The following TTC27 variants were observed in gnomAD, a reference collection of about 807,000 sequenced individuals.
The protein encoded by TTC27 is tetratricopeptide repeat protein 27.
Under a neutral mutation model 115.9 loss-of-function variants are expected in TTC27, and 79 were observed. The ratio of observed to expected loss-of-function variants is 0.68; its 90% CI spans 0.57 to 0.82. TTC27 has a LOEUF of 0.82. TTC27 is among the 40% of genes least tolerant of loss of function. TTC27 has a pLI of 0.00. For synonymous variants in TTC27, 401 were observed against 356.0 expected (o/e 1.13, Z -1.42); for missense variants, 1,054 against 993.1 (o/e 1.06, Z -0.82).
chr2:32,638,212 GT>G (rs1028627513), intron 3 of TTC27, among the ~76,000 whole-genome samples: 7 of 149,934 alleles, frequency 4.7e-5, no homozygotes, highest in African/African-American at 7.3e-5. Flanking sequence ...AATTATTGAA[GT>G]TTTTTTTTTA....
At chr2:32,656,403 G>A (rs141492213) in intron 5 of TTC27, among the ~76,000 whole-genome samples, 177 of 152,280 alleles carry the variant, frequency 1.2e-3, no homozygotes, top group African/African-American at 3.8e-3. Flanking sequence ...AATTTTTTAG[G>A]TAGAGAACTT....
At chr2:32,817,183 G>C (rs1671526975) in intron 18 of TTC27, among the ~76,000 whole-genome samples, 1 of 151,590 alleles carries the variant, frequency 6.6e-6, no homozygotes, top group Non-Finnish European at 1.5e-5. Flanking sequence ...ACTAGCTTGA[G>C]GCCAGTAGTT....
intron 10 of TTC27, among the ~76,000 whole-genome samples, chr2:32,725,806 C>T (rs1166261563): frequency 6.6e-6 from 1 of 152,240 alleles, no homozygotes; most frequent in Non-Finnish European, 1.5e-5. Flanking sequence ...TTCTTCATGA[C>T]AGCCTGCCCC....
chr2:32,675,713 C>T (rs1389907236), intron 8 of TTC27, among the ~76,000 whole-genome samples: 1 of 152,048 alleles, frequency 6.6e-6, no homozygotes. Flanking sequence ...GTCGCTAACC[C>T]CCATGAAGAG....
At chr2:32,776,916 T>C (rs1483155376) in intron 13 of TTC27, among the ~76,000 whole-genome samples, 1 of 152,188 alleles carries the variant, frequency 6.6e-6, no homozygotes, top group Non-Finnish European at 1.5e-5. Flanking sequence ...AGCCGAATTT[T>C]TGTTAGTTTT....
intron 12 of TTC27, among the ~76,000 whole-genome samples, chr2:32,750,806 A>AT (rs1448001083): frequency 6.6e-6 from 1 of 152,226 alleles, no homozygotes. Context: ...ATTTTTGTAA[A>AT]TTCAACATTT....
At position 32,708,678 on chromosome 2, in the gene TTC27, T is replaced by TTTGTTGTTG. The variant is rs4019331; in HGVS notation, c.1233+5772_1233+5780dup. ...ATTAAGCTTGTCCAACCCACCTTAC[T>TTTGTTGTTG]TTGTTGTTGTTGTTGTTGTTGTGTT... On this transcript the variant is annotated intron_variant, in intron 10 of 19. Coordinates refer to ENST00000317907, the MANE Select transcript of TTC27 (RefSeq NM_017735.5). 6.2e-3 allele frequency among the ~76,000 whole-genome samples: 934 copies of TTTGTTGTTG among 150,706 alleles called. 9 individuals carry two copies. The highest frequency in any genetic ancestry group is 0.016 in the African/African-American group (650 of 40,880).
At chr2:32,657,350 TTTC>T (rs1665364598) in intron 5 of TTC27, among the ~76,000 whole-genome samples, 1 of 146,490 alleles carries the variant, frequency 6.8e-6, no homozygotes, top group African/African-American at 2.6e-5. Context: ...AAACACTGTC[TTTC>T]TTTTTTTTTT....
At position 32,630,695 on chromosome 2, in the gene TTC27, G is replaced by A. The variant is rs766039817; in HGVS notation, c.261G>A (p.Thr87=). 16 of 1,598,588 alleles carry A rather than the reference G, an allele frequency of 1.0e-5. 1 individual carries two copies. Among genetic ancestry groups the A allele is most frequent in the Middle Eastern group, 1.7e-4 (1 of 5,916 alleles). ...FLDYSTDLDT[T]ERQQLIFLLG... ...ATTACTCAACAGATTTGGACACAAC[G>A]GAAAGGTAGAATTTTATTTGAAATT... is the stretch of plus-strand genomic sequence containing the variant. Residue 87 remains threonine (T), a synonymous_variant, in exon 2 of 20, where the codon ACG becomes ACA. Transcript: ENST00000317907.
intron 13 of TTC27, among the ~76,000 whole-genome samples, chr2:32,771,259 G>A (rs1271416768): frequency 6.6e-6 from 1 of 152,120 alleles, no homozygotes; most frequent in African/African-American, 2.4e-5. Context: ...ATATTTCCTG[G>A]CCCATAGTAA....
chr2:32,747,852 A>G (rs377443052), intron 12 of TTC27, among the ~76,000 whole-genome samples: 52 of 152,072 alleles, frequency 3.4e-4, no homozygotes, highest in Non-Finnish European at 6.5e-4. Flanking sequence ...TATTTCTGTA[A>G]GATTGGTAGT....
At chr2:32,725,829 C>A (rs1247562416) in intron 10 of TTC27, among the ~76,000 whole-genome samples, 1 of 152,258 alleles carries the variant, frequency 6.6e-6, no homozygotes, top group African/African-American at 2.4e-5. Flanking sequence ...CAGCAAACTT[C>A]TGCCTGGACA....
At chr2:32,674,182 G>T (rs1182012986) in intron 8 of TTC27, among the ~76,000 whole-genome samples, 2 of 148,068 alleles carry the variant, frequency 1.4e-5, no homozygotes, top group East Asian at 4.0e-4. Flanking sequence ...ACAGAGTCTT[G>T]CACTGTCGCC....
intron 3 of TTC27, among the ~76,000 whole-genome samples, chr2:32,635,534 A>G (rs141243856): frequency 3.4e-4 from 52 of 152,200 alleles, no homozygotes; most frequent in Non-Finnish European, 6.5e-4. Context: ...AAATACAAAA[A>G]TTAGCCGGGT....
chr2:32,648,776 C>A (rs1664967896), intron 4 of TTC27, among the ~76,000 whole-genome samples: 1 of 151,970 alleles, frequency 6.6e-6, no homozygotes, highest in Non-Finnish European at 1.5e-5. Flanking sequence ...TTTGGGAGGC[C>A]AAGGTGGGTG....
chr2:32,762,988 T>C (rs1572589836), intron 13 of TTC27, among the ~76,000 whole-genome samples: 1 of 152,018 alleles, frequency 6.6e-6, no homozygotes, highest in Admixed American at 6.5e-5. Context: ...GGAGGGGCAA[T>C]AGGAAGGAAG....
chr2:32,670,601 G>A (rs114778240), intron 7 of TTC27, among the ~76,000 whole-genome samples: 1 of 150,976 alleles, frequency 6.6e-6, no homozygotes, highest in Admixed American at 6.6e-5. Context: ...TTGTGTGAAC[G>A]TAAGTTTTTT....
rs76315850 is a variant in TTC27, at chr2:32,700,869, A to G, written c.1120-1938A>G. 3.4e-3 allele frequency among the ~76,000 whole-genome samples: 517 copies of G among 152,342 alleles called. 6 individuals carry two copies. Among genetic ancestry groups the G allele is most frequent in the African/African-American group, 0.012 (483 of 41,580 alleles). On this transcript the variant is annotated intron_variant, in intron 9 of 19. Coordinates refer to ENST00000317907, the MANE Select transcript of TTC27 (RefSeq NM_017735.5). The stretch of plus-strand genomic sequence containing the variant: ...AAGTCTTGAGATCACATTTTATAAT[A>G]AAATCTGACAAGTAGTGTTGTACAT...
At chr2:32,693,502 A>G (rs763700442) in intron 9 of TTC27, among the ~76,000 whole-genome samples, 1 of 152,228 alleles carries the variant, frequency 6.6e-6, no homozygotes, top group Non-Finnish European at 1.5e-5. Context: ...TTTTGACACA[A>G]GGAAATATAA....
Sources: allele counts gnomAD v4.1 joint callset (sites outside exome capture counted in the v4.1 genomes callset), GRCh38; gene constraint gnomAD v4.1.1; transcripts MANE v1.5; gene names NCBI Gene and HGNC (gene_info 2026-07-23, HGNC 2026-07-21).